The following RAB38 variants were observed in gnomAD, a reference collection of about 807,000 sequenced individuals.
The protein encoded by RAB38 is ras-related protein Rab-38.
RAB38 carries 15 observed loss-of-function variants against 18.4 expected under a neutral mutation model. That is an observed-to-expected ratio of 0.82 (90% confidence interval 0.55 to 1.26). The LOEUF (loss-of-function observed/expected upper bound fraction) is 1.26, where lower values mean the gene tolerates loss of function less well. RAB38 is among the 50% of genes most tolerant of loss of function. The pLI, the probability that RAB38 is intolerant of heterozygous loss-of-function variation, is 0.00. For missense variants in RAB38, 294 were observed against 267.4 expected, an observed-to-expected ratio of 1.10 and a Z score of -0.69; for synonymous variants, 101 against 104.4, an observed-to-expected ratio of 0.97 and a Z score of 0.20.
the RAB38 span, among the ~76,000 whole-genome samples, chr11:87,949,121 G>A: frequency 6.6e-6 from 1 of 151,986 alleles, no homozygotes; most frequent in African/African-American, 2.4e-5. Flanking sequence ...GTCTTGGGAG[G>A]GTGTATGTGT....
At chr11:88,018,049 G>A in the RAB38 span, among the ~76,000 whole-genome samples, 1 of 152,006 alleles carries the variant, frequency 6.6e-6, no homozygotes, top group Non-Finnish European at 1.5e-5. Context: ...ACGATTGTGT[G>A]GCCTCCCCAG....
the RAB38 span, among the ~76,000 whole-genome samples, chr11:87,837,573 A>G: frequency 6.6e-6 from 1 of 152,236 alleles, no homozygotes; most frequent in Admixed American, 6.5e-5. Flanking sequence ...ACTGGGCAAA[A>G]TTAAACTAAT....
chr11:88,125,704 A>G (rs1426688270), intron 2 of RAB38, among the ~76,000 whole-genome samples: 1 of 152,144 alleles, frequency 6.6e-6, no homozygotes, highest in African/African-American at 2.4e-5. Flanking sequence ...TGCTGTGCAG[A>G]AGCTCTTTAG....
chr11:88,090,529 G>T, the RAB38 span, among the ~76,000 whole-genome samples: 1 of 152,016 alleles, frequency 6.6e-6, no homozygotes, highest in African/African-American at 2.4e-5. Flanking sequence ...GCCAGTGAAT[G>T]AAATAGGACA....
the RAB38 span, among the ~76,000 whole-genome samples, chr11:87,965,550 G>C: frequency 0.019 from 2,919 of 152,198 alleles, 92 homozygotes; most frequent in African/African-American, 0.067. Flanking sequence ...ACTCTTTAGG[G>C]TTTATAGGGT....
chr11:88,014,876 A>G, the RAB38 span, among the ~76,000 whole-genome samples: 29 of 152,248 alleles, frequency 1.9e-4, no homozygotes, highest in African/African-American at 6.7e-4. Flanking sequence ...CTGAGCAGTG[A>G]AGGACGGCAG....
At chr11:87,938,636 TTTGTTGTTG>T in the RAB38 span, among the ~76,000 whole-genome samples, 2 of 128,612 alleles carry the variant, frequency 1.6e-5, no homozygotes, top group African/African-American at 6.1e-5. Context: ...TTTTTTTGAT[TTTGTTGTTG>T]TTGTTGTTGT....
At chr11:88,170,310 T>C (rs550080839) in intron 1 of RAB38, among the ~76,000 whole-genome samples, 224 of 152,292 alleles carry the variant, frequency 1.5e-3, no homozygotes, top group South Asian at 3.9e-3. Context: ...TCAGACTCGA[T>C]ATGCATTTTG....
chr11:88,120,100 C>T (rs1379997498), intron 2 of RAB38, among the ~76,000 whole-genome samples: 8 of 152,164 alleles, frequency 5.3e-5, no homozygotes, highest in East Asian at 1.9e-4. Context: ...ACCTGCTTTC[C>T]TCCACTGCAA....
the RAB38 span, among the ~76,000 whole-genome samples, chr11:87,954,543 G>A: frequency 2.0e-5 from 3 of 151,612 alleles, no homozygotes; most frequent in East Asian, 5.8e-4. Flanking sequence ...CGCTAGAGAA[G>A]GAACAGCCTT....
the RAB38 span, among the ~76,000 whole-genome samples, chr11:87,889,690 TA>T: frequency 6.6e-6 from 1 of 151,884 alleles, no homozygotes; most frequent in East Asian, 2.0e-4. Flanking sequence ...AGTAGCTAAA[TA>T]GAAGTGTCAG....
At chr11:87,853,493 C>T in the RAB38 span, among the ~76,000 whole-genome samples, 1 of 152,126 alleles carries the variant, frequency 6.6e-6, no homozygotes, top group Non-Finnish European at 1.5e-5. Flanking sequence ...GTTCCCAGTC[C>T]CTAGAACTGT....
At chr11:88,129,400 G>C (rs1374083317) in intron 2 of RAB38, among the ~76,000 whole-genome samples, 1 of 152,182 alleles carries the variant, frequency 6.6e-6, no homozygotes, top group Admixed American at 6.5e-5. Context: ...CAACACTTTG[G>C]GAGGCTGAAG....
the RAB38 span, among the ~76,000 whole-genome samples, chr11:87,956,057 A>G: frequency 1.3e-5 from 2 of 152,310 alleles, no homozygotes; most frequent in East Asian, 1.9e-4. Context: ...GTTCTACAGT[A>G]TGGTTCATAT....
At chr11:87,910,628 A>ATTTTTTTTTTT in the RAB38 span, among the ~76,000 whole-genome samples, 3 of 74,228 alleles carry the variant, frequency 4.0e-5, no homozygotes, top group African/African-American at 1.8e-4. Flanking sequence ...TTCAAAGTTC[A>ATTTTTTTTTTT]TTTTCTTTTT....
chr11:87,941,523 C>T, the RAB38 span, among the ~76,000 whole-genome samples: 7 of 151,952 alleles, frequency 4.6e-5, no homozygotes, highest in East Asian at 1.2e-3. Flanking sequence ...CTACTTGATT[C>T]TCTTCCTCAT....
chr11:88,169,938 G>A (rs2134857136), intron 1 of RAB38, among the ~76,000 whole-genome samples: 1 of 152,244 alleles, frequency 6.6e-6, no homozygotes, highest in Non-Finnish European at 1.5e-5. Context: ...CCTCACCTAA[G>A]TACTTTCACA....
chr11:88,151,816 G>T (rs1211054114), intron 1 of RAB38, among the ~76,000 whole-genome samples: 2 of 152,196 alleles, frequency 1.3e-5, no homozygotes, highest in African/African-American at 4.8e-5. Context: ...TAGTGAAAAT[G>T]AATGAAGGTC....
At chr11:87,822,147 G>A in the RAB38 span, among the ~76,000 whole-genome samples, 1 of 150,544 alleles carries the variant, frequency 6.6e-6, no homozygotes, top group Non-Finnish European at 1.5e-5. Flanking sequence ...AAACCAAAAA[G>A]TGTAAGAAAA....
Sources: gnomAD v4.1 joint callset for allele counts (sites outside exome capture counted in the v4.1 genomes callset) on GRCh38, gnomAD v4.1.1 for gene constraint, MANE v1.5 for transcripts, NCBI Gene and HGNC (gene_info 2026-07-23, HGNC 2026-07-21) for gene names.